The following DAAM2 variants were observed in gnomAD, a reference collection of about 807,000 sequenced individuals.
The protein encoded by DAAM2 is disheveled-associated activator of morphogenesis 2.
A neutral mutation model predicts 120.7 loss-of-function variants in DAAM2; 39 were observed. That is an observed-to-expected ratio of 0.32 (90% CI 0.25 to 0.42). DAAM2 has a LOEUF of 0.42. Among genes scored for constraint, DAAM2 ranks in the 10% least tolerant of loss-of-function variants. The probability of loss-of-function intolerance (pLI) is 1.00; values close to 1 mark genes in which losing one functional copy is unlikely to be tolerated. For synonymous variants in DAAM2, 488 were observed against 524.9 expected, an observed-to-expected ratio of 0.93 and a Z score of 0.96; for missense variants, 1,283 against 1,401.7, an observed-to-expected ratio of 0.92 and a Z score of 1.35.
Position 39,896,913 on chromosome 6 carries a change from G to C in DAAM2, c.2443G>C (p.Gly815Arg). The C allele has an allele frequency of 2.5e-6, 4 of 1,613,716 alleles. No individual in the cohort carries two copies. The highest frequency in any genetic ancestry group is 3.4e-6 in the Non-Finnish European group (4 of 1,179,782). Reference sequence around the variant, plus strand: ...CAACTTCATGAACAAAGGGCAGCGTGGGGGCGCCTACGGGTTCCGGGTGGC... The same window carrying C: ...CAACTTCATGAACAAAGGGCAGCGTCGGGGCGCCTACGGGTTCCGGGTGGC... Reference protein sequence around the residue: ...IGNFMNKGQRGGAYGFRVASL... With the variant: ...IGNFMNKGQRRGAYGFRVASL... The change falls in exon 20 of 25, where the codon GGG (glycine) becomes CGG (arginine). Residue 815 changes from glycine (G) to arginine (R), a missense_variant. By Grantham distance (125) the Gly-to-Arg change is moderately radical. Transcript: ENST00000274867.
At position 39,889,522 on chromosome 6, in the gene DAAM2, C is replaced by T. The variant is rs118134063; in HGVS notation, c.2145+759C>T. Among the ~76,000 whole-genome samples the T allele has an allele frequency of 1.1e-4, 16 of 152,314 alleles. No homozygotes were observed. In the East Asian group the frequency reaches 2.9e-3, roughly 28 times the overall value. Reference sequence around the variant, plus strand: ...CTCTACAGCTAAACATATACCCGCCCTATTGCCTAGTAATCCCACTCTTAG... The same window carrying T: ...CTCTACAGCTAAACATATACCCGCCTTATTGCCTAGTAATCCCACTCTTAG... On this transcript the variant is annotated intron_variant, in intron 17 of 24. Transcript: ENST00000274867.
intron 14 of DAAM2, among the ~76,000 whole-genome samples, chr6:39,883,035 G>A (rs886840355): frequency 2.0e-5 from 3 of 152,178 alleles, no homozygotes; most frequent in Non-Finnish European, 4.4e-5. Context: ...TGCGCTCTAG[G>A]TAGAGGAAGG....
chr6:39,808,341 C>G (rs982109938), intron 1 of DAAM2, among the ~76,000 whole-genome samples: 1 of 152,142 alleles, frequency 6.6e-6, no homozygotes, highest in African/African-American at 2.4e-5. Context: ...CACAGGCTGT[C>G]CTTTTGATAA....
At position 39,901,587 on chromosome 6, in the gene DAAM2, T is replaced by C; in HGVS notation, c.2982+115T>C. 1.6e-6 allele frequency: 2 copies of C among 1,227,736 alleles called. No individual in the cohort carries two copies. The highest frequency in any genetic ancestry group is 1.5e-5 in the South Asian group (1 of 66,602). The allele number at this position is 1,227,736 out of a possible 1,614,324, so 76.1% of individuals were successfully genotyped here. On this transcript the variant is annotated intron_variant, in intron 24 of 24. Coordinates refer to ENST00000274867, the MANE Select transcript of DAAM2 (RefSeq NM_001201427.2). The surrounding 1 kb of genome is among the most constrained non-coding windows in gnomAD (Gnocchi z 4.5). ...GAGACTGAGGAACTGAGGAACACCA[T>C]AGGGGTTGGATGTCAGCCCCAGGAG...
intron 1 of DAAM2, among the ~76,000 whole-genome samples, chr6:39,836,982 C>G (rs141555050): frequency 3.9e-4 from 60 of 152,268 alleles, no homozygotes; most frequent in African/African-American, 1.3e-3. Context: ...TTAGCATCAC[C>G]TGGGGGAACT....
At chr6:39,806,853 A>G (rs1380229179) in intron 1 of DAAM2, among the ~76,000 whole-genome samples, 8 of 135,268 alleles carry the variant, frequency 5.9e-5, no homozygotes, top group African/African-American at 1.6e-4. Flanking sequence ...AAAAAAAAAA[A>G]AAGAAAAGAA....
chr6:39,893,073 C>T (rs1173841453), intron 19 of DAAM2, among the ~76,000 whole-genome samples: 6 of 152,252 alleles, frequency 3.9e-5, no homozygotes, highest in African/African-American at 1.4e-4. Flanking sequence ...GTAAGGGGTT[C>T]AGCCCAAGAC....
chr6:39,836,158 C>A (rs562202797), intron 1 of DAAM2, among the ~76,000 whole-genome samples: 22 of 152,132 alleles, frequency 1.4e-4, no homozygotes, highest in African/African-American at 3.9e-4. Context: ...AGACCTCCCC[C>A]CTGTGCAGAA....
intron 2 of DAAM2, among the ~76,000 whole-genome samples, chr6:39,857,661 C>G (rs1471582608): frequency 1.3e-5 from 2 of 152,114 alleles, no homozygotes. Flanking sequence ...CTCTTTTATT[C>G]AACAGATATT....
intron 14 of DAAM2, among the ~76,000 whole-genome samples, chr6:39,883,258 G>A (rs1765217431): frequency 6.6e-6 from 1 of 151,634 alleles, no homozygotes; most frequent in African/African-American, 2.4e-5. Context: ...CAGAGATGGG[G>A]CAAGGCCTAA....
intron 1 of DAAM2, among the ~76,000 whole-genome samples, chr6:39,812,295 C>G (rs544703904): frequency 6.6e-6 from 1 of 152,348 alleles, no homozygotes; most frequent in Admixed American, 6.5e-5. Context: ...AGACACTGGG[C>G]TAAGCCCTTG....
intron 15 of DAAM2, 140 bp from the exon 16 acceptor site, chr6:39,887,346 T>C: frequency 1.6e-6 from 1 of 610,692 alleles, no homozygotes; most frequent in Non-Finnish European, 2.9e-6. Flanking sequence ...TCCACCCTCC[T>C]CTCTCTCCTG....
At chr6:39,863,519 TCTGGAGGAAGTTAAGTTTTCATG>T (rs1350710536) in intron 3 of DAAM2, among the ~76,000 whole-genome samples, 6 of 150,782 alleles carry the variant, frequency 4.0e-5, no homozygotes, top group African/African-American at 1.5e-4. Context: ...TCAGGGAGGG[TCTGGAGGAAGTTAAGTTTTCATG>T]CCGATTTGGA....
In DAAM2 at chr6:39,903,764, CAG is replaced by C. The variant is rs1766620276; in HGVS notation, c.*1728_*1729del. ...TAGTAGCTGCGGGGGGGAAGAAACA[CAG>C]GGTCGGTGAGCCCAGCATGTGCGTT... On this transcript the variant is annotated 3_prime_UTR_variant, in exon 25 of 25. Transcript: ENST00000274867. 5.9e-6 allele frequency: 1 copy of C among 169,636 alleles called. No homozygotes were observed. 10.5% of individuals were successfully genotyped at this position (169,636 alleles called of 1,614,324 possible). A position where few individuals can be genotyped will look rare whatever the true frequency, so the allele number is the denominator to read the frequency against.
intron 11 of DAAM2, among the ~76,000 whole-genome samples, 170 bp downstream of exon 11, chr6:39,875,638 C>A (rs572428028): frequency 2.6e-5 from 4 of 152,346 alleles, no homozygotes; most frequent in African/African-American, 9.6e-5. Flanking sequence ...AAGTGCATTT[C>A]TCTACTGTTC....
chr6:39,802,017 C>G (rs886920556), intron 1 of DAAM2, among the ~76,000 whole-genome samples: 2 of 152,206 alleles, frequency 1.3e-5, no homozygotes, highest in African/African-American at 2.4e-5. Context: ...AAGGATCAAG[C>G]TATTATAACA....
At chr6:39,845,599 C>T (rs867253933) in intron 1 of DAAM2, among the ~76,000 whole-genome samples, 32 of 152,052 alleles carry the variant, frequency 2.1e-4, no homozygotes, top group Non-Finnish European at 2.8e-4. Context: ...ATACCACTCC[C>T]CACCGCTTCA....
intron 1 of DAAM2, among the ~76,000 whole-genome samples, chr6:39,807,179 A>T (rs1762033133): frequency 7.0e-6 from 1 of 143,206 alleles, no homozygotes; most frequent in Admixed American, 6.7e-5. Flanking sequence ...GGAATACTAT[A>T]GAACACAGCA....
chr6:39,875,206 C>A, intron 10 of DAAM2, 124 bp from the exon 11 acceptor site: 1 of 1,028,472 alleles, frequency 9.7e-7, no homozygotes, highest in Non-Finnish European at 1.4e-6. Flanking sequence ...TTCTTCTAGA[C>A]TGGGAGCTTA....
Sources: gnomAD v4.1 joint callset for allele counts (sites outside exome capture counted in the v4.1 genomes callset) on GRCh38, gnomAD v4.1.1 for gene constraint, Gnocchi (gnomAD v3.1) non-coding constraint, MANE v1.5 for transcripts, NCBI Gene and HGNC (gene_info 2026-07-23, HGNC 2026-07-21) for gene names.